PDE7B: variants seen among roughly 807,000 people sequenced by gnomAD.
PDE7B encodes the protein phosphodiesterase 7B, also known as 3',5'-cyclic-AMP phosphodiesterase 7B.
A neutral mutation model predicts 56.2 loss-of-function variants in PDE7B; 29 were observed. That is an observed-to-expected ratio of 0.52 (90% confidence interval 0.38 to 0.70). The LOEUF (loss-of-function observed/expected upper bound fraction) is 0.70, where lower values mean the gene tolerates loss of function less well. Ranked by LOEUF, PDE7B falls within the 30% of genes least tolerant of loss-of-function variation. PDE7B has a pLI of 0.00. For synonymous variants in PDE7B, 197 were observed against 196.9 expected, an observed-to-expected ratio of 1.00 and a Z score of 0.00; for missense variants, 490 against 565.0, an observed-to-expected ratio of 0.87 and a Z score of 1.35.
chr6:135,893,950 T>C (rs1190178966), intron 1 of PDE7B, among the ~76,000 whole-genome samples: 1 of 152,186 alleles, frequency 6.6e-6, no homozygotes, highest in African/African-American at 2.4e-5. Context: ...ACCAAAAGCA[T>C]TTATTCCAGT....
chr6:135,980,637 A>G (rs1156417028), intron 2 of PDE7B, among the ~76,000 whole-genome samples: 1 of 152,118 alleles, frequency 6.6e-6, no homozygotes, highest in African/African-American at 2.4e-5. Flanking sequence ...ATGAACAGAC[A>G]CTTCTCAAAA....
chr6:136,102,453 T>A (rs963082136), intron 2 of PDE7B, among the ~76,000 whole-genome samples: 3 of 152,172 alleles, frequency 2.0e-5, no homozygotes, highest in African/African-American at 7.2e-5. Flanking sequence ...AGATTAAAAG[T>A]ATTATCCCAG....
chr6:135,935,052 T>G (rs1170463883), intron 1 of PDE7B, among the ~76,000 whole-genome samples: 4 of 44,474 alleles, frequency 9.0e-5, no homozygotes, highest in African/African-American at 4.7e-4. Flanking sequence ...ATATTTTATA[T>G]AGAGATGAAG....
At chr6:135,932,813 A>G (rs572586781) in intron 1 of PDE7B, among the ~76,000 whole-genome samples, 3 of 152,342 alleles carry the variant, frequency 2.0e-5, no homozygotes, top group East Asian at 1.9e-4. Flanking sequence ...ATTTGGAGAC[A>G]TGAGCTTGTA....
Position 135,869,676 on chromosome 6 carries a change from G to A in PDE7B, c.21+17657G>A, listed in dbSNP as rs182969717. ...TACGAAGAAAGTAAGACAAAGTAAT[G>A]AGACAACAGGTTGCTGGCTGTGGAG... On this transcript the variant is annotated intron_variant, in intron 1 of 12. Transcript: ENST00000308191. Among the ~76,000 whole-genome samples the A allele has an allele frequency of 3.4e-3, 522 of 152,282 alleles. 2 individuals are homozygous for A. Among genetic ancestry groups the A allele is most frequent in the Non-Finnish European group, 4.9e-3 (333 of 68,016 alleles).
intron 2 of PDE7B, among the ~76,000 whole-genome samples, chr6:136,076,524 G>A (rs2128214605): frequency 6.6e-6 from 1 of 152,204 alleles, no homozygotes; most frequent in Non-Finnish European, 1.5e-5. Context: ...AAAGCCTCAG[G>A]AATTGAAGGC....
intron 2 of PDE7B, among the ~76,000 whole-genome samples, chr6:136,062,126 C>T (rs1776855605): frequency 6.6e-6 from 1 of 152,158 alleles, no homozygotes. Flanking sequence ...TGAACTAAAC[C>T]ATGTTCTAAA....
chr6:136,088,038 G>T (rs191339246), intron 2 of PDE7B, among the ~76,000 whole-genome samples: 1 of 152,258 alleles, frequency 6.6e-6, no homozygotes, highest in Admixed American at 6.5e-5. Flanking sequence ...AAATCTGTGG[G>T]ACCATCCATC....
At chr6:135,938,894 AT>A (rs1774462872) in intron 1 of PDE7B, among the ~76,000 whole-genome samples, 1 of 152,182 alleles carries the variant, frequency 6.6e-6, no homozygotes, top group South Asian at 2.1e-4. Flanking sequence ...AAAAATAAAA[AT>A]TACTCTTGGG....
intron 2 of PDE7B, among the ~76,000 whole-genome samples, chr6:136,073,680 G>A (rs1269513802): frequency 2.0e-5 from 3 of 152,148 alleles, no homozygotes; most frequent in Admixed American, 6.5e-5. Context: ...ACATTCTGAG[G>A]TGCTTGGGTT....
intron 8 of PDE7B, among the ~76,000 whole-genome samples, chr6:136,173,169 G>A (rs540151025): frequency 2.6e-4 from 40 of 152,112 alleles, no homozygotes; most frequent in African/African-American, 8.4e-4. Context: ...AGTTCATATC[G>A]AACCAAAAAG....
At chr6:135,947,371 T>C in intron 1 of PDE7B, 93 bp from the exon 2 acceptor site, 1 of 973,612 alleles carries the variant, frequency 1.0e-6, no homozygotes, top group Non-Finnish European at 1.6e-6. Flanking sequence ...AAAAGTAGAA[T>C]AATGTTATGG....
At chr6:135,866,433 C>T (rs1775263058) in intron 1 of PDE7B, among the ~76,000 whole-genome samples, 1 of 152,112 alleles carries the variant, frequency 6.6e-6, no homozygotes, top group African/African-American at 2.4e-5. Flanking sequence ...ACAATCTCAT[C>T]AGAGTAATAA....
chr6:136,022,240 G>C (rs1055114479), intron 2 of PDE7B, among the ~76,000 whole-genome samples: 7 of 152,110 alleles, frequency 4.6e-5, no homozygotes, highest in African/African-American at 1.7e-4. Context: ...ATTTTTGTTT[G>C]AGAATTTTCT....
At chr6:136,148,188 A>G (rs938797106) in intron 4 of PDE7B, among the ~76,000 whole-genome samples, 1 of 151,998 alleles carries the variant, frequency 6.6e-6, no homozygotes, top group Non-Finnish European at 1.5e-5. Flanking sequence ...TTTATATACT[A>G]TTATGAAATA....
chr6:136,091,179 G>A (rs575909316), intron 2 of PDE7B, among the ~76,000 whole-genome samples: 110 of 152,258 alleles, frequency 7.2e-4, no homozygotes, highest in African/African-American at 2.5e-3. Context: ...AGTCACTAGG[G>A]AAACTGTAAA....
At chr6:135,932,866 G>T (rs1275907162) in intron 1 of PDE7B, among the ~76,000 whole-genome samples, 1 of 152,198 alleles carries the variant, frequency 6.6e-6, no homozygotes, top group African/African-American at 2.4e-5. Flanking sequence ...TGGAGAGCAA[G>T]ATAGCACAAT....
intron 3 of PDE7B, among the ~76,000 whole-genome samples, chr6:136,128,480 C>T (rs1375402619): frequency 6.6e-6 from 1 of 152,040 alleles, no homozygotes; most frequent in African/African-American, 2.4e-5. Flanking sequence ...TCTTTTGGTA[C>T]TCTCTTTCTC....
chr6:136,035,814 T>A (rs1201614584), intron 2 of PDE7B, among the ~76,000 whole-genome samples: 1 of 152,218 alleles, frequency 6.6e-6, no homozygotes, highest in Non-Finnish European at 1.5e-5. Flanking sequence ...ATCCTTGGAT[T>A]TTTTTTAAAA....
Sources: gnomAD v4.1 joint callset for allele counts (sites outside exome capture counted in the v4.1 genomes callset) on GRCh38, gnomAD v4.1.1 for gene constraint, MANE v1.5 for transcripts, NCBI Gene and HGNC (gene_info 2026-07-23, HGNC 2026-07-21) for gene names.